Variants in NFIB observed in about 807,000 individuals in gnomAD.
The protein encoded by NFIB is nuclear factor 1 B-type.
Under a neutral mutation model 61.5 loss-of-function variants are expected in NFIB, and 11 were observed. The ratio of observed to expected loss-of-function variants is 0.18; its 90% CI spans 0.11 to 0.30. The LOEUF (loss-of-function observed/expected upper bound fraction) is 0.30. Among genes scored for constraint, NFIB ranks in the 10% least tolerant of loss-of-function variants. The probability of loss-of-function intolerance (pLI) is 1.00; values close to 1 mark genes in which losing one functional copy is unlikely to be tolerated. For synonymous variants in NFIB, 260 were observed against 216.5 expected, an observed-to-expected ratio of 1.20 and a Z score of -1.76; for missense variants, 471 against 608.9, an observed-to-expected ratio of 0.77 and a Z score of 2.38.
chr9:14,262,643 T>C (rs928112259), intron 2 of NFIB, among the ~76,000 whole-genome samples: 2 of 152,180 alleles, frequency 1.3e-5, no homozygotes, highest in African/African-American at 4.8e-5. Context: ...GCTAGGGTTT[T>C]CTGAGATGCC....
rs190734725 is a variant in NFIB at position 14,163,686 on chromosome 9, T to C, written c.617-7793A>G. 1.7e-3 allele frequency among the ~76,000 whole-genome samples: 256 copies of C among 152,198 alleles called. 2 individuals carry two copies. The highest frequency in any genetic ancestry group is 5.9e-3 in the African/African-American group (247 of 41,574). Reference sequence around the variant, plus strand: ...ACAGTGAGAATTTTTACTATTAATGTATCTTTTTAAGAATTGAACATGACT... The same window carrying C: ...ACAGTGAGAATTTTTACTATTAATGCATCTTTTTAAGAATTGAACATGACT... On this transcript the variant is annotated intron_variant, in intron 3 of 10. Coordinates refer to ENST00000380953, the MANE Select transcript of NFIB (RefSeq NM_001190737.2).
intron 2 of NFIB, among the ~76,000 whole-genome samples, chr9:14,240,048 A>G (rs1225431840): frequency 6.6e-6 from 1 of 152,160 alleles, no homozygotes; most frequent in Non-Finnish European, 1.5e-5. Flanking sequence ...TTATACCTTA[A>G]AGTCCATTAC....
chr9:14,148,307 A>G (rs1482592833), intron 5 of NFIB, among the ~76,000 whole-genome samples: 2 of 151,736 alleles, frequency 1.3e-5, no homozygotes, highest in Non-Finnish European at 2.9e-5. Flanking sequence ...AATTTTTTGT[A>G]GAGAGGGAGT....
chr9:14,218,261 T>C (rs2051188968), intron 2 of NFIB, among the ~76,000 whole-genome samples: 1 of 152,132 alleles, frequency 6.6e-6, no homozygotes, highest in African/African-American at 2.4e-5. Flanking sequence ...ATAAAATGAT[T>C]TTTTTTAAGT....
At chr9:14,336,852 G>T (rs967477371) in intron 1 of NFIB, among the ~76,000 whole-genome samples, 3 of 152,098 alleles carry the variant, frequency 2.0e-5, no homozygotes, top group Non-Finnish European at 4.4e-5. Flanking sequence ...ATAATGCCCA[G>T]ATTTTAGGTT....
At chr9:14,454,911 T>C in the NFIB span, among the ~76,000 whole-genome samples, 12 of 152,214 alleles carry the variant, frequency 7.9e-5, no homozygotes, top group African/African-American at 2.9e-4. Flanking sequence ...ATATCCCAGA[T>C]AGGGCTGCTT....
At chr9:14,525,131 G>T in the NFIB span, among the ~76,000 whole-genome samples, 4 of 152,174 alleles carry the variant, frequency 2.6e-5, no homozygotes, top group Non-Finnish European at 5.9e-5. Context: ...GAGCTCTACA[G>T]TTCTCAGACA....
chr9:14,398,453 A>G (rs754528535), intron 1 of NFIB: 3 of 1,142,092 alleles, frequency 2.6e-6, no homozygotes, highest in Non-Finnish European at 3.7e-6. Context: ...CCCCACACTG[A>G]GACACATTGT....
At chr9:14,417,011 G>A in the NFIB span, among the ~76,000 whole-genome samples, 1 of 149,482 alleles carries the variant, frequency 6.7e-6, no homozygotes, top group African/African-American at 2.5e-5. Flanking sequence ...TCCTGCCTCA[G>A]CCTCCCAAGT....
chr9:14,344,694 C>G (rs574832404), intron 1 of NFIB, among the ~76,000 whole-genome samples: 2 of 151,798 alleles, frequency 1.3e-5, no homozygotes, highest in Non-Finnish European at 2.9e-5. Flanking sequence ...ATAAACGGGT[C>G]GATTTCATCC....
chr9:14,295,480 ACT>A (rs1214456270), intron 2 of NFIB, among the ~76,000 whole-genome samples: 1 of 151,692 alleles, frequency 6.6e-6, no homozygotes, highest in African/African-American at 2.4e-5. Flanking sequence ...CAAAAAAAAA[ACT>A]CAGCCGGGCG....
At chr9:14,142,866 A>T (rs1481062043) in intron 6 of NFIB, among the ~76,000 whole-genome samples, 1 of 152,192 alleles carries the variant, frequency 6.6e-6, no homozygotes, top group East Asian at 1.9e-4. Context: ...AGACTAAGCA[A>T]GGAGAAATAT....
chr9:14,362,678 G>C (rs560239342), intron 1 of NFIB: 1 of 152,146 alleles, frequency 6.6e-6, no homozygotes, highest in Non-Finnish European at 1.5e-5. Context: ...GGAGGATCTC[G>C]TAAGGCCAGG....
chr9:14,323,715 T>C (rs1316050307), intron 1 of NFIB, among the ~76,000 whole-genome samples: 3 of 152,216 alleles, frequency 2.0e-5, no homozygotes, highest in Admixed American at 2.0e-4. Context: ...TTAATCTCAA[T>C]TATGTTTACC....
intron 3 of NFIB, among the ~76,000 whole-genome samples, chr9:14,174,551 A>T (rs2045933813): frequency 6.6e-6 from 1 of 151,940 alleles, no homozygotes; most frequent in Non-Finnish European, 1.5e-5. Flanking sequence ...GTGGATCACG[A>T]GGTTAGGAGT....
At chr9:14,332,324 C>T (rs1312354251) in intron 1 of NFIB, among the ~76,000 whole-genome samples, 27 of 100,438 alleles carry the variant, frequency 2.7e-4, no homozygotes. Flanking sequence ...CAGAGCGAGA[C>T]TCCGTCAAAA....
chr9:14,508,945 G>C, the NFIB span, among the ~76,000 whole-genome samples: 1 of 152,136 alleles, frequency 6.6e-6, no homozygotes, highest in African/African-American at 2.4e-5. Flanking sequence ...ACTTCCTCTG[G>C]GTTGATACTC....
chr9:14,355,604 G>C (rs575355032), intron 1 of NFIB, among the ~76,000 whole-genome samples: 1 of 152,254 alleles, frequency 6.6e-6, no homozygotes, highest in South Asian at 2.1e-4. Context: ...TCCTGGGTGT[G>C]TGTCCTTTGC....
the NFIB span, among the ~76,000 whole-genome samples, chr9:14,516,287 G>A: frequency 6.6e-6 from 1 of 152,152 alleles, no homozygotes; most frequent in Admixed American, 6.5e-5. Flanking sequence ...CAACATTTGG[G>A]ATCTATTACC....
Sources: allele counts gnomAD v4.1 joint callset (sites outside exome capture counted in the v4.1 genomes callset), GRCh38; gene constraint gnomAD v4.1.1; transcripts MANE v1.5; gene names NCBI Gene and HGNC (gene_info 2026-07-23, HGNC 2026-07-21).